The following ARHGEF10 variants were observed in gnomAD, a reference collection of about 807,000 sequenced individuals.
ARHGEF10 encodes the protein Rho guanine nucleotide exchange factor (GEF) 10.
A neutral mutation model predicts 147.4 loss-of-function variants in ARHGEF10; 140 were observed. That is an observed-to-expected ratio of 0.95 (90% CI 0.83 to 1.09). The LOEUF (loss-of-function observed/expected upper bound fraction) is 1.09. ARHGEF10 is among the 50% of genes least tolerant of loss of function. ARHGEF10 has a pLI of 0.00. For synonymous variants in ARHGEF10, 902 were observed against 695.8 expected, an observed-to-expected ratio of 1.30 and a Z score of -4.67; for missense variants, 2,222 against 1,752.7, an observed-to-expected ratio of 1.27 and a Z score of -4.78.
intron 25 of ARHGEF10, 126 bp from the exon 26 acceptor site, chr8:1,933,674 G>C: frequency 8.0e-7 from 1 of 1,254,134 alleles, no homozygotes; most frequent in Non-Finnish European, 1.2e-6. Context: ...GCCAGGATCA[G>C]GCACAAGCAT....
intron 10 of ARHGEF10, among the ~76,000 whole-genome samples, chr8:1,883,094 G>T (rs911892814): frequency 3.3e-5 from 5 of 152,192 alleles, no homozygotes; most frequent in African/African-American, 1.2e-4. Flanking sequence ...GCATGGTCCC[G>T]CAGGGACTGA....
intron 1 of ARHGEF10, among the ~76,000 whole-genome samples, chr8:1,841,384 C>G (rs758935088): frequency 2.6e-5 from 4 of 152,216 alleles, no homozygotes; most frequent in Admixed American, 6.5e-5. Context: ...TTTTGGAAAG[C>G]AGAAAGGGGG....
chr8:1,851,001 T>C (rs1805091259), intron 2 of ARHGEF10, among the ~76,000 whole-genome samples: 1 of 148,044 alleles, frequency 6.8e-6, no homozygotes, highest in Non-Finnish European at 1.5e-5. Context: ...AACAAAATTA[T>C]ACAGTAACAA....
intron 6 of ARHGEF10, among the ~76,000 whole-genome samples, chr8:1,866,875 C>T (rs1806667157): frequency 6.6e-6 from 1 of 151,982 alleles, no homozygotes; most frequent in South Asian, 2.1e-4. Context: ...ATTATGGTAA[C>T]AGTGAGATAT....
At chr8:1,926,689 A>G in intron 23 of ARHGEF10, 1 of 597,474 alleles carries the variant, frequency 1.7e-6, no homozygotes, top group Non-Finnish European at 3.0e-6. Context: ...TTTTCATCTA[A>G]AACATTTACC....
intron 1 of ARHGEF10, among the ~76,000 whole-genome samples, chr8:1,841,192 T>C (rs954905012): frequency 6.6e-5 from 10 of 152,196 alleles, no homozygotes; most frequent in Admixed American, 2.6e-4. Flanking sequence ...GTTTCTCCAT[T>C]GAAAAATAAT....
chr8:1,898,452 C>G lies in ARHGEF10; in HGVS notation c.1577C>G (p.Pro526Arg). ...EFLKQEQEAS[P>R]DRTTLYSLMM... ...CCACAGCAGGAACAGGAGGCCAGCC[C>G]CGATCGAACCACGCTCTACAGCCTG... The change falls in exon 15 of 29, where the codon CCC becomes CGC. Residue 526 changes from proline (P) to arginine (R), a missense_variant. By Grantham distance (103) the Pro-to-Arg change is moderately radical. Coordinates refer to ENST00000349830, the MANE Select transcript of ARHGEF10 (RefSeq NM_014629.4). The G allele has an allele frequency of 1.2e-6, 2 of 1,614,044 alleles. No individual in the cohort carries two copies. The highest frequency in any genetic ancestry group is 1.7e-6 in the Non-Finnish European group (2 of 1,179,992).
chr8:1,825,739 A>G (rs1400317318), intron 1 of ARHGEF10, among the ~76,000 whole-genome samples: 1 of 152,140 alleles, frequency 6.6e-6, no homozygotes, highest in Non-Finnish European at 1.5e-5. Context: ...TATTGATTCC[A>G]GTCACTAACT....
chr8:1,833,788 C>T (rs979317610), intron 1 of ARHGEF10, among the ~76,000 whole-genome samples: 8 of 152,238 alleles, frequency 5.3e-5, no homozygotes, highest in African/African-American at 1.2e-4. Context: ...CCCTCCTGGC[C>T]GCTGACCCCC....
chr8:1,865,234 A>T (rs1318860979), intron 5 of ARHGEF10, among the ~76,000 whole-genome samples: 1 of 152,214 alleles, frequency 6.6e-6, no homozygotes, highest in African/African-American at 2.4e-5. Context: ...TCCTAATTTC[A>T]CAGGTGCACA....
intron 26 of ARHGEF10, among the ~76,000 whole-genome samples, chr8:1,935,511 A>C (rs766415921): frequency 6.6e-5 from 10 of 152,066 alleles, no homozygotes; most frequent in Non-Finnish European, 1.5e-4. Context: ...CTTCAGATTG[A>C]CAGAAGGTAA....
chr8:1,945,678 A>G (rs1301296730), intron 27 of ARHGEF10, 23 bp downstream of exon 27: 2 of 1,614,010 alleles, frequency 1.2e-6, no homozygotes, highest in Non-Finnish European at 1.7e-6. Context: ...GACGGGGCCC[A>G]GGGATGGGAC....
intron 11 of ARHGEF10, 41 bp downstream of exon 11, chr8:1,885,748 G>A (rs1206257002): frequency 4.2e-6 from 6 of 1,438,164 alleles, no homozygotes; most frequent in Non-Finnish European, 4.9e-6. Flanking sequence ...GACCAGCAGA[G>A]CTGTGCTAGT....
At chr8:1,939,699 T>C (rs1185586815) in intron 26 of ARHGEF10, among the ~76,000 whole-genome samples, 1 of 152,118 alleles carries the variant, frequency 6.6e-6, no homozygotes, top group African/African-American at 2.4e-5. Context: ...GAGGGAGAGA[T>C]GCATCAGGCT....
chr8:1,916,606 A>C (rs1201903752), intron 18 of ARHGEF10, among the ~76,000 whole-genome samples: 2 of 152,220 alleles, frequency 1.3e-5, no homozygotes, highest in Non-Finnish European at 1.5e-5. Flanking sequence ...GTCCAGAACC[A>C]CATAGGATTT....
intron 2 of ARHGEF10, among the ~76,000 whole-genome samples, chr8:1,843,743 G>A (rs1438069699): frequency 2.0e-5 from 3 of 152,208 alleles, no homozygotes; most frequent in African/African-American, 7.2e-5. Flanking sequence ...GATGGAGCGG[G>A]AGGGTTGTTA....
intron 18 of ARHGEF10, among the ~76,000 whole-genome samples, chr8:1,911,527 C>CT (rs1239104555): frequency 5.3e-5 from 8 of 152,256 alleles, no homozygotes; most frequent in African/African-American, 1.9e-4. Context: ...TTCTCTGGGG[C>CT]TTTTTTCCGG....
chr8:1,864,764 G>A (rs552022441), intron 5 of ARHGEF10, among the ~76,000 whole-genome samples: 9 of 152,290 alleles, frequency 5.9e-5, no homozygotes, highest in Non-Finnish European at 8.8e-5. Flanking sequence ...AGGGTAAAGC[G>A]TCCCCCGTGA....
Position 1,833,082 on chromosome 8 carries a change from A to C in ARHGEF10, c.-48+8969A>C, listed in dbSNP as rs111204970. ...GAGAGACAGAGACAGAGGCAGAGAG[A>C]CAGAGACAGAGGCAGAGAGACAGAG... On this transcript the variant is annotated intron_variant, in intron 1 of 28. Transcript: ENST00000349830. Among the ~76,000 whole-genome samples the C allele has an allele frequency of 5.3e-4, 32 of 60,582 alleles. 5 individuals carry two copies. The highest frequency in any genetic ancestry group is 2.0e-3 in the African/African-American group (28 of 13,700). The allele number at this position is 60,582 out of a possible 152,430, so 39.7% of individuals were successfully genotyped here. A position where few individuals can be genotyped will look rare whatever the true frequency, so the allele number is the denominator to read the frequency against.
Sources: allele counts gnomAD v4.1 joint callset (sites outside exome capture counted in the v4.1 genomes callset), GRCh38; gene constraint gnomAD v4.1.1; transcripts MANE v1.5; gene names NCBI Gene and HGNC (gene_info 2026-07-23, HGNC 2026-07-21).